Variants in MEI1 observed in about 807,000 individuals in gnomAD.
MEI1 encodes meiosis inhibitor protein 1.
In MEI1, 103 loss-of-function variants were observed where a neutral mutation model predicts 146.2. The observed-to-expected ratio is 0.70, with a 90% CI of 0.60 to 0.83. The LOEUF is 0.83. Among genes scored for constraint, MEI1 ranks in the 40% least tolerant of loss-of-function variants. MEI1 has a pLI of 0.00. For missense variants in MEI1, 1,529 were observed against 1,533.0 expected (o/e 1.00, Z 0.04); for synonymous variants, 652 against 628.2 (o/e 1.04, Z -0.57).
At chr22:41,716,178 C>G (rs2070131425) in intron 5 of MEI1, 32 bp downstream of exon 5, 1 of 1,446,304 alleles carries the variant, frequency 6.9e-7, no homozygotes, top group African/African-American at 1.4e-5. Flanking sequence ...CTGCCACTAC[C>G]CTTTTACCTG....
chr22:41,756,995 G>T (rs546395542), intron 17 of MEI1, among the ~76,000 whole-genome samples: 9 of 152,336 alleles, frequency 5.9e-5, no homozygotes, highest in Admixed American at 2.6e-4. Flanking sequence ...TGGAAACATG[G>T]CATGTCTTCT....
At chr22:41,723,728 C>G (rs949268324) in intron 6 of MEI1, among the ~76,000 whole-genome samples, 3 of 152,182 alleles carry the variant, frequency 2.0e-5, no homozygotes, top group African/African-American at 7.2e-5. Context: ...TCTTGAATCC[C>G]TAGACCCTTA....
chr22:41,794,334 G>A lies in MEI1; in HGVS notation c.3428-37G>A, dbSNP rs763773091. 9 of 1,549,858 alleles carry A rather than the reference G, an allele frequency of 5.8e-6. No homozygotes were observed. In the East Asian group the frequency reaches 1.3e-4, roughly 23 times the overall value. The stretch of plus-strand genomic sequence containing the variant: ...CCTCTTGAGCAATGTCCCAAGGCAA[G>A]GTCTTGGAAGCATTAACAACCCAGT... On this transcript the variant is annotated intron_variant, in intron 27 of 30. Coordinates refer to ENST00000401548, the MANE Select transcript of MEI1 (RefSeq NM_152513.4).
chr22:41,738,451 G>A (rs1002399413), intron 11 of MEI1, among the ~76,000 whole-genome samples: 7 of 152,090 alleles, frequency 4.6e-5, no homozygotes, highest in Non-Finnish European at 1.0e-4. Flanking sequence ...GCTGAGCACA[G>A]TGGCGGGTGC....
chr22:41,700,386 A>G (rs1018959621), intron 1 of MEI1, among the ~76,000 whole-genome samples: 1 of 152,162 alleles, frequency 6.6e-6, no homozygotes, highest in Non-Finnish European at 1.5e-5. Context: ...GCCGGAGTGC[A>G]ATGGCGCCAT....
intron 5 of MEI1, among the ~76,000 whole-genome samples, chr22:41,717,303 T>C (rs1365240423): frequency 1.3e-5 from 2 of 152,084 alleles, no homozygotes; most frequent in Non-Finnish European, 2.9e-5. Context: ...GCTGGGATTA[T>C]AGGCGTCCGC....
intron 8 of MEI1, among the ~76,000 whole-genome samples, chr22:41,730,310 T>C (rs1209345233): frequency 6.6e-6 from 1 of 152,170 alleles, no homozygotes; most frequent in Non-Finnish European, 1.5e-5. Context: ...GGACTCAGTT[T>C]CCCCACCTGT....
chr22:41,779,607 T>A (rs1488543782), intron 22 of MEI1, among the ~76,000 whole-genome samples: 1 of 152,208 alleles, frequency 6.6e-6, no homozygotes, highest in East Asian at 1.9e-4. Context: ...AGGGTTAAGA[T>A]ACGGAATACT....
chr22:41,705,583 G>C, intron 3 of MEI1, 29 bp downstream of exon 3: 1 of 1,591,508 alleles, frequency 6.3e-7, no homozygotes, highest in Non-Finnish European at 8.6e-7. Context: ...TCTAGCACTT[G>C]AAGATGAAAG....
At chr22:41,733,453 G>T (rs910222488) in intron 11 of MEI1, among the ~76,000 whole-genome samples, 1 of 143,568 alleles carries the variant, frequency 7.0e-6, no homozygotes, top group Non-Finnish European at 1.5e-5. Context: ...TGTCTCAAAA[G>T]AAAAAAGAAA....
intron 14 of MEI1, among the ~76,000 whole-genome samples, chr22:41,746,263 G>C (rs1457835226): frequency 6.6e-6 from 1 of 152,178 alleles, no homozygotes; most frequent in African/African-American, 2.4e-5. Flanking sequence ...AATAATAAGT[G>C]GGTAAGTTTA....
Position 41,718,496 on chromosome 22 carries a change from C to A in MEI1, c.733+222C>A, listed in dbSNP as rs553491577. ...GAGGAAAATAGGAAGGAAAGTGGGA[C>A]AGCAATTTTTTCTGCCTTTACTGCC... On this transcript the variant is annotated intron_variant, in intron 6 of 30. Transcript: ENST00000401548. 2.6e-5 allele frequency among the ~76,000 whole-genome samples: 4 copies of A among 152,240 alleles called. No individual in the cohort carries two copies. In the South Asian group the frequency reaches 8.3e-4, roughly 32 times the overall value.
chr22:41,718,418 A>G, intron 6 of MEI1, 144 bp downstream of exon 6: 1 of 701,376 alleles, frequency 1.4e-6, no homozygotes. Context: ...TAAGAGACAC[A>G]CTGTGTGAAA....
At chr22:41,778,977 G>A in intron 22 of MEI1, 165 bp downstream of exon 22, 1 of 568,242 alleles carries the variant, frequency 1.8e-6, no homozygotes. Context: ...ACCTCTCAGG[G>A]CTTTCTCTGC....
intron 1 of MEI1, among the ~76,000 whole-genome samples, chr22:41,702,693 C>T (rs1180912578): frequency 1.3e-5 from 2 of 152,108 alleles, no homozygotes; most frequent in East Asian, 1.9e-4. Flanking sequence ...GATCTGCCTG[C>T]TTCGGCCTCC....
At chr22:41,723,201 G>A (rs1046839721) in intron 6 of MEI1, among the ~76,000 whole-genome samples, 2 of 138,698 alleles carry the variant, frequency 1.4e-5, no homozygotes, top group Non-Finnish European at 3.1e-5. Flanking sequence ...AATTATAAGG[G>A]TCATTTGTCT....
chr22:41,730,503 C>T lies in MEI1; in HGVS notation c.980-18C>T. On this transcript the variant is annotated intron_variant, in intron 8 of 30. Transcript: ENST00000401548. The stretch of plus-strand genomic sequence containing the variant: ...ACATGGCTGTCATTTATTGTTTTCT[C>T]ATCCTCTCCCTTGTTAGAGTTCCTC... The T allele has an allele frequency of 6.4e-7, 1 of 1,555,218 alleles. No homozygotes were observed.
At chr22:41,788,825 T>C (rs1335358192) in intron 26 of MEI1, among the ~76,000 whole-genome samples, 1 of 152,172 alleles carries the variant, frequency 6.6e-6, no homozygotes, top group Non-Finnish European at 1.5e-5. Context: ...GACATTCAAC[T>C]CTGCCTCTGG....
chr22:41,699,784 G>C, intron 1 of MEI1, 72 bp downstream of exon 1: 8 of 1,470,554 alleles, frequency 5.4e-6, no homozygotes, highest in Non-Finnish European at 6.3e-6. Context: ...CCAGGCCCTT[G>C]CCAGACCCGC....
Sources: gnomAD v4.1 joint callset for allele counts (sites outside exome capture counted in the v4.1 genomes callset) on GRCh38, gnomAD v4.1.1 for gene constraint, MANE v1.5 for transcripts, NCBI Gene and HGNC (gene_info 2026-07-23, HGNC 2026-07-21) for gene names.